Variants in CSNK1A1 observed in about 807,000 individuals in gnomAD.
The protein encoded by CSNK1A1 is casein kinase 1 alpha 1, also known as casein kinase I isoform alpha.
Under a neutral mutation model 46.1 loss-of-function variants are expected in CSNK1A1, and 7 were observed. That is an observed-to-expected ratio of 0.15 (90% CI 0.09 to 0.29). The LOEUF (loss-of-function observed/expected upper bound fraction) is 0.29, where lower values mean the gene tolerates loss of function less well. Among genes scored for constraint, CSNK1A1 ranks in the 10% least tolerant of loss-of-function variants. The pLI, the probability that CSNK1A1 is intolerant of heterozygous loss-of-function variation, is 1.00. For missense variants in CSNK1A1, 96 were observed against 417.1 expected (o/e 0.23, Z 6.71); for synonymous variants, 137 against 141.5 (o/e 0.97, Z 0.23).
At chr5:149,502,396 A>C in intron 9 of CSNK1A1, 1 of 760,694 alleles carries the variant, frequency 1.3e-6, no homozygotes, top group Non-Finnish European at 1.6e-6. Flanking sequence ...GCTGGAGTGC[A>C]GTGGCATGAT....
chr5:149,514,716 T>A (rs778005089), intron 4 of CSNK1A1, among the ~76,000 whole-genome samples: 12 of 152,298 alleles, frequency 7.9e-5, no homozygotes, highest in Non-Finnish European at 1.8e-4. Context: ...GGAGCATGAG[T>A]AACATCTATT....
At chr5:149,506,178 C>A (rs140485692) in intron 8 of CSNK1A1, among the ~76,000 whole-genome samples, 1 of 152,082 alleles carries the variant, frequency 6.6e-6, no homozygotes, top group African/African-American at 2.4e-5. Flanking sequence ...CCACCCCCAT[C>A]GGCCTCCCAA....
At chr5:149,516,288 C>T (rs1327918399) in intron 4 of CSNK1A1, among the ~76,000 whole-genome samples, 3 of 151,998 alleles carry the variant, frequency 2.0e-5, no homozygotes, top group Non-Finnish European at 4.4e-5. Context: ...CTGCACTCTA[C>T]ACTCCTGCCT....
intron 9 of CSNK1A1, among the ~76,000 whole-genome samples, chr5:149,500,253 T>A (rs1345738393): frequency 6.6e-6 from 1 of 151,614 alleles, no homozygotes; most frequent in Admixed American, 6.6e-5. Context: ...TTCTCCTGCC[T>A]CAGCCTCCCA....
At chr5:149,518,902 A>G (rs1362982977) in intron 4 of CSNK1A1, among the ~76,000 whole-genome samples, 1 of 152,094 alleles carries the variant, frequency 6.6e-6, no homozygotes, top group Non-Finnish European at 1.5e-5. Context: ...TCACATGGTG[A>G]TAATGGGTTT....
In CSNK1A1 at chr5:149,517,914, G is replaced by T; in HGVS notation, c.456+2376C>A. ...ATAGAGGGTGGCAGTGCATCAAACA[G>T]TATTGCTTACATTGCAACAATGGCC... On this transcript the variant is annotated intron_variant, in intron 4 of 9. Coordinates refer to ENST00000377843, the MANE Select transcript of CSNK1A1 (RefSeq NM_001892.6). This position sits in a 1 kb window ranked among gnomAD's most constrained non-coding sequence, Gnocchi z 4.4. The T allele has an allele frequency of 7.4e-7, 1 of 1,343,264 alleles. No individual in the cohort carries two copies. Among genetic ancestry groups the T allele is most frequent in the Non-Finnish European group, 1.1e-6 (1 of 947,912 alleles). The allele number at this position is 1,343,264 out of a possible 1,614,324, so 83.2% of individuals were successfully genotyped here.
At chr5:149,541,733 T>C (rs893302974) in intron 2 of CSNK1A1, among the ~76,000 whole-genome samples, 3 of 151,576 alleles carry the variant, frequency 2.0e-5, no homozygotes, top group African/African-American at 7.3e-5. Flanking sequence ...CCCAGCACTT[T>C]GGGAGGCCGA....
At position 149,493,467 on chromosome 5, in the gene CSNK1A1, T is replaced by C. The variant is rs1385015950; in HGVS notation, c.*3386A>G. On this transcript the variant is annotated 3_prime_UTR_variant, in exon 10 of 10. Coordinates refer to ENST00000377843, the MANE Select transcript of CSNK1A1 (RefSeq NM_001892.6). Reference sequence around the variant, plus strand: ...CCAGGAGCCATTATTACTCTACTTTTGAGTATGTCCTCAAAACTGGTCTAA... The same window carrying C: ...CCAGGAGCCATTATTACTCTACTTTCGAGTATGTCCTCAAAACTGGTCTAA... 2 of 151,760 alleles carry C rather than the reference T, an allele frequency of 1.3e-5. No individual in the cohort carries two copies. The highest frequency in any genetic ancestry group is 4.8e-5 in the African/African-American group (2 of 41,268). The allele number at this position is 151,760 out of a possible 1,614,324, so 9.4% of individuals were successfully genotyped here.
In CSNK1A1 at chr5:149,517,392, AG is replaced by A. The variant is rs2113105978; in HGVS notation, c.456+2897del. Among the ~76,000 whole-genome samples the A allele has an allele frequency of 6.6e-6, 1 of 152,340 alleles. No individual in the cohort carries two copies. The highest frequency in any genetic ancestry group is 2.1e-4 in the South Asian group (1 of 4,830). ...GTGAGGTAGAATATATTCATTATAC[AG>A]CACTAATGAACTGAATTTAAATATA... is the stretch of plus-strand genomic sequence containing the variant. On this transcript the variant is annotated intron_variant, in intron 4 of 9. Coordinates refer to ENST00000377843, the MANE Select transcript of CSNK1A1 (RefSeq NM_001892.6). The surrounding 1 kb of genome is among the most constrained non-coding windows in gnomAD (Gnocchi z 4.4).
chr5:149,498,173 C>G (rs566826301), intron 9 of CSNK1A1: 152 of 985,054 alleles, frequency 1.5e-4, no homozygotes, highest in Non-Finnish European at 1.8e-4. Flanking sequence ...CTCCCATGGG[C>G]TTTGTGGGAG....
At chr5:149,532,849 T>C (rs993276677) in intron 2 of CSNK1A1, among the ~76,000 whole-genome samples, 4 of 152,196 alleles carry the variant, frequency 2.6e-5, no homozygotes, top group Admixed American at 2.6e-4. Context: ...TCTAAATACA[T>C]AGATCTCATG....
At chr5:149,520,164 T>C in intron 4 of CSNK1A1, 126 bp downstream of exon 4, 1 of 598,324 alleles carries the variant, frequency 1.7e-6, no homozygotes, top group Non-Finnish European at 2.9e-6. Flanking sequence ...TAGCACAATC[T>C]TTTAAAGCAA....
chr5:149,539,479 A>AAAAG (rs1554117554), intron 2 of CSNK1A1, among the ~76,000 whole-genome samples: 1 of 151,826 alleles, frequency 6.6e-6, no homozygotes, highest in Non-Finnish European at 1.5e-5. Context: ...AAAAAAAAAA[A>AAAAG]AAAGAAAGAA....
intron 9 of CSNK1A1, among the ~76,000 whole-genome samples, chr5:149,500,676 A>G (rs1760824580): frequency 2.0e-5 from 3 of 151,962 alleles, no homozygotes; most frequent in Admixed American, 6.6e-5. Context: ...TGATCTTCCC[A>G]TCTAGCCTCA....
chr5:149,516,756 G>A (rs554081886), intron 4 of CSNK1A1, among the ~76,000 whole-genome samples: 1 of 151,884 alleles, frequency 6.6e-6, no homozygotes, highest in African/African-American at 2.4e-5. Flanking sequence ...CACAATACTT[G>A]GTACTTCTTT....
chr5:149,543,420 C>T (rs1762364484), intron 2 of CSNK1A1, among the ~76,000 whole-genome samples: 1 of 152,000 alleles, frequency 6.6e-6, no homozygotes, highest in Admixed American at 6.6e-5. Flanking sequence ...CTCTAGTATA[C>T]CATGAATTCA....
Position 149,513,199 on chromosome 5 carries a change from A to G in CSNK1A1, c.467T>C (p.Ile156Thr). The stretch of plus-strand genomic sequence containing the variant: ...GTACTTTTTGGCCAAACCAAAATCA[A>G]TAAGGAATAACTTTAAAAGAGAAAT... ...IGRHCNKLFL[I>T]DFGLAKKYRD... The change falls in exon 5 of 10, where the codon ATT becomes ACT. Residue 156 changes from isoleucine (I) to threonine (T), a missense_variant. Ile to Thr is a moderately conservative substitution (Grantham distance 89, BLOSUM62 -1). Transcript: ENST00000377843. The G allele has an allele frequency of 6.2e-7, 1 of 1,613,472 alleles. No individual in the cohort carries two copies. Among genetic ancestry groups the G allele is most frequent in the Non-Finnish European group, 8.5e-7 (1 of 1,179,724 alleles).
intron 9 of CSNK1A1, chr5:149,497,703 C>T (rs1760697158): frequency 2.0e-6 from 2 of 985,384 alleles, no homozygotes; most frequent in Non-Finnish European, 2.4e-6. Flanking sequence ...TCTGAGGCAC[C>T]AATGCTCCTT....
At chr5:149,515,840 T>C (rs1156507645) in intron 4 of CSNK1A1, among the ~76,000 whole-genome samples, 3 of 152,198 alleles carry the variant, frequency 2.0e-5, no homozygotes, top group Non-Finnish European at 4.4e-5. Flanking sequence ...AAAGTCAGTA[T>C]CAAATAAGCG....
Sources: gnomAD v4.1 joint callset for allele counts (sites outside exome capture counted in the v4.1 genomes callset) on GRCh38, gnomAD v4.1.1 for gene constraint, Gnocchi (gnomAD v3.1) non-coding constraint, MANE v1.5 for transcripts, NCBI Gene and HGNC (gene_info 2026-07-23, HGNC 2026-07-21) for gene names.